Variants in GTF2H5 observed in about 807,000 individuals in gnomAD.
GTF2H5 encodes TFB5 ortholog.
GTF2H5 carries 5 observed loss-of-function variants against 7.1 expected under a neutral mutation model. The observed-to-expected ratio is 0.71, with a 90% CI of 0.37 to 1.49. GTF2H5 has a LOEUF of 1.49. Among genes scored for constraint, GTF2H5 ranks in the 40% most tolerant of loss-of-function variants. The pLI is 0.03. For synonymous variants in GTF2H5, 30 were observed against 31.7 expected (o/e 0.95, Z 0.18); for missense variants, 80 against 83.0 (o/e 0.96, Z 0.14).
In GTF2H5 at chr6:158,194,022, T is replaced by C. The variant is rs903104955; in HGVS notation, c.*1865T>C. On this transcript the variant is annotated 3_prime_UTR_variant, in exon 3 of 3. Coordinates refer to ENST00000607778, the MANE Select transcript of GTF2H5 (RefSeq NM_207118.3). Reference sequence around the variant, plus strand: ...AAAAAAAAAAAAATGAATTTCCAGCTATACCAAAATGTTACTAATGTATCT... The same window carrying C: ...AAAAAAAAAAAAATGAATTTCCAGCCATACCAAAATGTTACTAATGTATCT... The C allele has an allele frequency of 6.6e-6, 1 of 150,994 alleles. No homozygotes were observed. Among genetic ancestry groups the C allele is most frequent in the African/African-American group, 2.4e-5 (1 of 41,008 alleles). 9.4% of individuals were successfully genotyped at this position (150,994 alleles called of 1,614,324 possible).
At chr6:158,183,486 A>G (rs1454189631) in intron 2 of GTF2H5, among the ~76,000 whole-genome samples, 1 of 152,242 alleles carries the variant, frequency 6.6e-6, no homozygotes, top group Non-Finnish European at 1.5e-5. Flanking sequence ...TCCTGCCTTC[A>G]GAGGTGGAAT....
chr6:158,176,379 A>C (rs1785934163), intron 2 of GTF2H5, among the ~76,000 whole-genome samples: 1 of 152,044 alleles, frequency 6.6e-6, no homozygotes, highest in Non-Finnish European at 1.5e-5. Context: ...GGTGCCTGCC[A>C]CCATGCCTGG....
chr6:158,169,457 ATATAT>A (rs1200704502), intron 1 of GTF2H5, among the ~76,000 whole-genome samples: 22 of 64,198 alleles, frequency 3.4e-4, no homozygotes, highest in East Asian at 8.1e-4. Flanking sequence ...TATATATTAT[ATATAT>A]TATATTGTAT....
chr6:158,169,772 A>AATATATTATATATT (rs71027388), intron 1 of GTF2H5, among the ~76,000 whole-genome samples: 4,447 of 53,946 alleles, frequency 0.082, 684 homozygotes, highest in Non-Finnish European at 0.096. Flanking sequence ...TATTATATAT[A>AATATATTATATATT]ATATATTGTA....
chr6:158,169,719 T>TTATATAATATATTGTATATTA (rs1785800566), intron 1 of GTF2H5, among the ~76,000 whole-genome samples: 1 of 54,300 alleles, frequency 1.8e-5, no homozygotes, highest in Non-Finnish European at 3.0e-5. Context: ...ATATTATATA[T>TTATATAATATATTGTATATTA]TATATAATAT....
Position 158,169,499 on chromosome 6 carries a change from A to ATG in GTF2H5, c.-34-970_-34-969insGT, listed in dbSNP as rs1176114535. Among the ~76,000 whole-genome samples the ATG allele has an allele frequency of 1.2e-3, 93 of 74,612 alleles. 4 individuals carry two copies. The highest frequency in any genetic ancestry group is 6.4e-3 in the African/African-American group (87 of 13,506). 48.9% of individuals were successfully genotyped at this position (74,612 alleles called of 152,430 possible). ...TTATATATAATATATTGTATATTAT[A>ATG]TAATATATTGTATATTATATATAAT... On this transcript the variant is annotated intron_variant, in intron 1 of 2. Coordinates refer to ENST00000607778, the MANE Select transcript of GTF2H5 (RefSeq NM_207118.3).
rs989841448 is a variant in GTF2H5, at chr6:158,198,980, A to C, written c.*6823A>C. 6.6e-6 allele frequency: 1 copy of C among 152,164 alleles called. No individual in the cohort carries two copies. The highest frequency in any genetic ancestry group is 1.5e-5 in the Non-Finnish European group (1 of 68,040). The allele number at this position is 152,164 out of a possible 1,614,324, so 9.4% of individuals were successfully genotyped here. A position where few individuals can be genotyped will look rare whatever the true frequency, so the allele number is the denominator to read the frequency against. The stretch of plus-strand genomic sequence containing the variant: ...TTTTGAATAAGCTGTTAACAACTTT[A>C]ATACCTGTCTTGTTTGTTTTCTTCA... On this transcript the variant is annotated 3_prime_UTR_variant, in exon 3 of 3. Coordinates refer to ENST00000607778, the MANE Select transcript of GTF2H5 (RefSeq NM_207118.3).
Position 158,198,300 on chromosome 6 carries a change from T to A in GTF2H5, c.*6143T>A, listed in dbSNP as rs1777143500. ...GAAAGTTGTCTGGAGGGTTAACATT[T>A]CTGAAACCATTTTTATCTTTGCCTT... On this transcript the variant is annotated 3_prime_UTR_variant, in exon 3 of 3. Transcript: ENST00000607778. 6.6e-6 allele frequency: 1 copy of A among 152,250 alleles called. No individual in the cohort carries two copies. The highest frequency in any genetic ancestry group is 1.5e-5 in the Non-Finnish European group (1 of 68,044). 9.4% of individuals were successfully genotyped at this position (152,250 alleles called of 1,614,324 possible).
intron 2 of GTF2H5, among the ~76,000 whole-genome samples, chr6:158,183,932 A>G (rs1446239904): frequency 6.6e-6 from 1 of 152,174 alleles, no homozygotes; most frequent in Non-Finnish European, 1.5e-5. Flanking sequence ...AGTCCCAATG[A>G]GATGAACCAG....
intron 2 of GTF2H5, among the ~76,000 whole-genome samples, chr6:158,189,262 C>T (rs1776981056): frequency 6.6e-6 from 1 of 152,014 alleles, no homozygotes; most frequent in African/African-American, 2.4e-5. Flanking sequence ...TAGAAACCCC[C>T]AGTTATCAAT....
rs372393771 is a variant in GTF2H5 at position 158,175,010 on chromosome 6, A to AT, written c.35+4473dup. ...CCAGGCACCCAAAACTGTGCCTGAG[A>AT]TGTGTGTGTGTGTGTGTGTGTGTGT... On this transcript the variant is annotated intron_variant, in intron 2 of 2. Transcript: ENST00000607778. 4.3e-4 allele frequency among the ~76,000 whole-genome samples: 59 copies of AT among 138,320 alleles called. 1 individual carries two copies. The South Asian group carries it at 8.7e-3, about 20-fold the overall frequency. The allele number at this position is 138,320 out of a possible 152,430, so 90.7% of individuals were successfully genotyped here.
rs1777041741 is a variant in GTF2H5, at chr6:158,192,315, C to G, written c.*158C>G. ...GATCATTTGTTCAGAAAAAAAGCCC[C>G]TGAACTGATTTTGTTACCATAGAAT... is the stretch of plus-strand genomic sequence containing the variant. On this transcript the variant is annotated 3_prime_UTR_variant, in exon 3 of 3. Coordinates refer to ENST00000607778, the MANE Select transcript of GTF2H5 (RefSeq NM_207118.3). 1.6e-6 allele frequency: 1 copy of G among 624,060 alleles called. No individual in the cohort carries two copies. The highest frequency in any genetic ancestry group is 2.8e-6 in the Non-Finnish European group (1 of 354,498). 38.7% of individuals were successfully genotyped at this position (624,060 alleles called of 1,614,324 possible). A position where few individuals can be genotyped will look rare whatever the true frequency, so the allele number is the denominator to read the frequency against.
intron 2 of GTF2H5, among the ~76,000 whole-genome samples, chr6:158,180,655 A>AT (rs1191571321): frequency 3.3e-5 from 5 of 152,174 alleles, no homozygotes; most frequent in Admixed American, 3.3e-4. Context: ...GTTTATTTGC[A>AT]TAGAGGTGTT....
chr6:158,174,595 A>T (rs987638869), intron 2 of GTF2H5, among the ~76,000 whole-genome samples: 2 of 152,248 alleles, frequency 1.3e-5, no homozygotes, highest in African/African-American at 4.8e-5. Context: ...TGCCAGGCTC[A>T]CACTAAGTAT....
At position 158,197,404 on chromosome 6, in the gene GTF2H5, T is replaced by C. The variant is rs1026326824; in HGVS notation, c.*5247T>C. Reference sequence around the variant, plus strand: ...TTGCTGAGCTGTAAAATAATTATTTTGCAAACATAAAAGAAAAAAAAAAGA... The same window carrying C: ...TTGCTGAGCTGTAAAATAATTATTTCGCAAACATAAAAGAAAAAAAAAAGA... On this transcript the variant is annotated 3_prime_UTR_variant, in exon 3 of 3. Transcript: ENST00000607778. 1.5e-4 allele frequency: 24 copies of C among 155,006 alleles called. No individual in the cohort carries two copies. The highest frequency in any genetic ancestry group is 1.7e-4 in the Non-Finnish European group (12 of 68,772). 9.6% of individuals were successfully genotyped at this position (155,006 alleles called of 1,614,324 possible).
intron 2 of GTF2H5, among the ~76,000 whole-genome samples, chr6:158,181,372 A>T (rs1051274826): frequency 1.3e-5 from 2 of 152,192 alleles, no homozygotes; most frequent in Non-Finnish European, 2.9e-5. Flanking sequence ...GGAGTTCTGT[A>T]GATGTCTGTT....
At chr6:158,177,925 A>G (rs917115098) in intron 2 of GTF2H5, among the ~76,000 whole-genome samples, 3 of 152,170 alleles carry the variant, frequency 2.0e-5, no homozygotes, top group Non-Finnish European at 4.4e-5. Context: ...ACTGCATAGT[A>G]TTCCGTGGTG....
intron 2 of GTF2H5, 113 bp downstream of exon 2, chr6:158,170,651 T>G (rs1014784161): frequency 3.1e-5 from 25 of 811,306 alleles, no homozygotes; most frequent in Non-Finnish European, 4.8e-5. Context: ...ATCAAGTCTT[T>G]CGCTTTTAAC....
At position 158,196,146 on chromosome 6, in the gene GTF2H5, G is replaced by A. The variant is rs976232180; in HGVS notation, c.*3989G>A. 1 of 152,370 alleles carries A rather than the reference G, an allele frequency of 6.6e-6. No homozygotes were observed. Among genetic ancestry groups the A allele is most frequent in the Non-Finnish European group, 1.5e-5 (1 of 68,122 alleles). The allele number at this position is 152,370 out of a possible 1,614,324, so 9.4% of individuals were successfully genotyped here. A position where few individuals can be genotyped will look rare whatever the true frequency, so the allele number is the denominator to read the frequency against. On this transcript the variant is annotated 3_prime_UTR_variant, in exon 3 of 3. Transcript: ENST00000607778. ...AATACAAAAAAATTAGCTGGGCATG[G>A]TGGTGGACGCCTGTAGTCCCAGCTA...
Sources: gnomAD v4.1 joint callset for allele counts (sites outside exome capture counted in the v4.1 genomes callset) on GRCh38, gnomAD v4.1.1 for gene constraint, MANE v1.5 for transcripts, NCBI Gene and HGNC (gene_info 2026-07-23, HGNC 2026-07-21) for gene names.